Variants in MAMDC2 observed in about 807,000 individuals in gnomAD.
MAMDC2 encodes MAM domain-containing protein 2.
A neutral mutation model predicts 89.8 loss-of-function variants in MAMDC2; 57 were observed. The observed-to-expected ratio is 0.63, with a 90% CI of 0.51 to 0.79. The LOEUF is 0.79. Ranked by LOEUF, MAMDC2 falls within the 30% of genes least tolerant of loss-of-function variation. The pLI, the probability that MAMDC2 is intolerant of heterozygous loss-of-function variation, is 0.00. For synonymous variants in MAMDC2, 313 were observed against 293.4 expected (o/e 1.07, Z -0.68); for missense variants, 800 against 820.6 (o/e 0.97, Z 0.31).
chr9:70,203,481 C>A (rs985469490), intron 11 of MAMDC2, among the ~76,000 whole-genome samples: 1 of 140,184 alleles, frequency 7.1e-6, no homozygotes, highest in Non-Finnish European at 1.5e-5. Flanking sequence ...CTCTGGCTGC[C>A]CTTAACATTT....
rs1484680011 is a variant in MAMDC2 at position 70,143,774 on chromosome 9, T to C, written c.1359T>C (p.Val453=). ...IWSVLESPRG[V]WMQAEITFKK... ...CTGTGTTGGAGTCCCCAAGGGGTGT[T>C]TGGATGCAAGCTGAAATCACCTTTA... Residue 453 remains valine (V), a synonymous_variant, in exon 9 of 14, where the codon GTT becomes GTC. Coordinates refer to ENST00000377182, the MANE Select transcript of MAMDC2 (RefSeq NM_153267.5). 1.2e-6 allele frequency: 2 copies of C among 1,614,134 alleles called. No individual in the cohort carries two copies. Among genetic ancestry groups the C allele is most frequent in the African/African-American group, 1.3e-5 (1 of 75,042 alleles).
chr9:70,065,345 C>A (rs1350908955), intron 2 of MAMDC2, among the ~76,000 whole-genome samples: 1 of 152,044 alleles, frequency 6.6e-6, no homozygotes, highest in African/African-American at 2.4e-5. Context: ...CTTAAGAATC[C>A]CTCTTTCTGT....
At chr9:70,221,264 A>G (rs935955036) in intron 12 of MAMDC2, among the ~76,000 whole-genome samples, 1 of 147,952 alleles carries the variant, frequency 6.8e-6, no homozygotes, top group African/African-American at 2.5e-5. Context: ...CCGAGGTGGG[A>G]GGATTGCCTG....
intron 2 of MAMDC2, among the ~76,000 whole-genome samples, chr9:70,100,019 A>AGAGAGC (rs1828137118): frequency 1.4e-5 from 2 of 140,798 alleles, no homozygotes; most frequent in African/African-American, 5.7e-5. Context: ...AGAGAGAGAG[A>AGAGAGC]GAGAGCACAA....
chr9:70,156,209 T>C (rs2031760774), intron 9 of MAMDC2, among the ~76,000 whole-genome samples: 1 of 152,204 alleles, frequency 6.6e-6, no homozygotes, highest in Admixed American at 6.5e-5. Context: ...AAAGTTGAAA[T>C]TTAAGTCTTT....
At chr9:70,128,958 A>G (rs2030680753) in intron 6 of MAMDC2, among the ~76,000 whole-genome samples, 1 of 152,180 alleles carries the variant, frequency 6.6e-6, no homozygotes, top group Non-Finnish European at 1.5e-5. Flanking sequence ...CGGCCAACCA[A>G]CCTTCAGAAA....
At chr9:70,154,372 T>A (rs2031677472) in intron 9 of MAMDC2, 1 of 152,188 alleles carries the variant, frequency 6.6e-6, no homozygotes, top group South Asian at 2.1e-4. Flanking sequence ...GATTAAATGT[T>A]TCTGCCTTTG....
chr9:70,217,724 G>A (rs2148857), intron 11 of MAMDC2: 1,109,547 of 1,266,946 alleles, frequency 0.88, 486,844 homozygotes, highest in East Asian at 0.95. Context: ...AAATTACAGA[G>A]TATGTTTTCA....
intron 2 of MAMDC2, among the ~76,000 whole-genome samples, chr9:70,047,833 A>C (rs1826793748): frequency 6.6e-6 from 1 of 152,194 alleles, no homozygotes; most frequent in African/African-American, 2.4e-5. Context: ...CCTTGTCTCT[A>C]AATATCCCCT....
intron 9 of MAMDC2, among the ~76,000 whole-genome samples, chr9:70,144,715 A>T (rs1230806225): frequency 6.6e-6 from 1 of 152,248 alleles, no homozygotes; most frequent in Non-Finnish European, 1.5e-5. Flanking sequence ...AGTCTATCAC[A>T]TTCAAATCCA....
intron 7 of MAMDC2, among the ~76,000 whole-genome samples, chr9:70,133,593 C>T (rs144714402): frequency 1.3e-5 from 2 of 152,302 alleles, no homozygotes; most frequent in African/African-American, 2.4e-5. Flanking sequence ...GTGTTATGCT[C>T]AATCCACCAG....
chr9:70,205,988 A>G (rs1191359781), intron 11 of MAMDC2, among the ~76,000 whole-genome samples: 1 of 152,216 alleles, frequency 6.6e-6, no homozygotes, highest in African/African-American at 2.4e-5. Context: ...CAAGAAGAAA[A>G]AAATACTTGT....
At chr9:70,175,549 A>G (rs1009132309) in intron 11 of MAMDC2, among the ~76,000 whole-genome samples, 1 of 152,152 alleles carries the variant, frequency 6.6e-6, no homozygotes, top group African/African-American at 2.4e-5. Context: ...CCTAATTTAT[A>G]AATTAAACTT....
intron 2 of MAMDC2, among the ~76,000 whole-genome samples, chr9:70,084,720 T>C (rs997367608): frequency 1.3e-5 from 2 of 152,122 alleles, no homozygotes; most frequent in South Asian, 2.1e-4. Context: ...TATGATCCAC[T>C]GAAACTATAA....
intron 9 of MAMDC2, among the ~76,000 whole-genome samples, chr9:70,158,559 A>G (rs962620670): frequency 9.2e-5 from 14 of 151,742 alleles, no homozygotes; most frequent in Admixed American, 3.9e-4. Context: ...ATTTTTCAAT[A>G]TATGTACTAT....
intron 5 of MAMDC2, among the ~76,000 whole-genome samples, chr9:70,119,261 C>T (rs2030176063): frequency 1.3e-5 from 2 of 151,712 alleles, no homozygotes; most frequent in South Asian, 2.1e-4. Flanking sequence ...AAAACCAAGC[C>T]TGCTTGTGGT....
chr9:70,045,176 G>C (rs1826716974), intron 2 of MAMDC2, among the ~76,000 whole-genome samples: 1 of 152,188 alleles, frequency 6.6e-6, no homozygotes, highest in Non-Finnish European at 1.5e-5. Flanking sequence ...CGTCTGCCTT[G>C]ACCCTGACAG....
intron 2 of MAMDC2, among the ~76,000 whole-genome samples, chr9:70,049,782 G>T (rs1475443329): frequency 6.6e-6 from 1 of 152,178 alleles, no homozygotes; most frequent in East Asian, 1.9e-4. Flanking sequence ...TCCCGCTGCT[G>T]CCCTGGCTGT....
Position 70,043,998 on chromosome 9 carries a change from A to T in MAMDC2, c.-200A>T. The T allele has an allele frequency of 1.6e-6, 1 of 625,868 alleles. No individual in the cohort carries two copies. Among genetic ancestry groups the T allele is most frequent in the Non-Finnish European group, 2.8e-6 (1 of 357,122 alleles). The allele number at this position is 625,868 out of a possible 1,614,324, so 38.8% of individuals were successfully genotyped here. A position where few individuals can be genotyped will look rare whatever the true frequency, so the allele number is the denominator to read the frequency against. ...CCGGGGCGCTGGCGCTCTCCATTCGAGCACCTTCCAGCATACCGCTCGGCT... is the reference window on the plus strand; with the variant it reads ...CCGGGGCGCTGGCGCTCTCCATTCGTGCACCTTCCAGCATACCGCTCGGCT... On this transcript the variant is annotated 5_prime_UTR_variant, in exon 1 of 14. Coordinates refer to ENST00000377182, the MANE Select transcript of MAMDC2 (RefSeq NM_153267.5).
Sources: allele counts gnomAD v4.1 joint callset (sites outside exome capture counted in the v4.1 genomes callset), GRCh38; gene constraint gnomAD v4.1.1; transcripts MANE v1.5; gene names NCBI Gene and HGNC (gene_info 2026-07-23, HGNC 2026-07-21).